Variants in USP34 observed in about 807,000 individuals in gnomAD.
USP34 encodes ubiquitin carboxyl-terminal hydrolase 34.
In USP34, 70 loss-of-function variants were observed where a neutral mutation model predicts 460.3. The ratio of observed to expected loss-of-function variants is 0.15; its 90% CI spans 0.13 to 0.19. USP34 has a LOEUF of 0.19. USP34 is among the 10% of genes least tolerant of loss of function. USP34 has a pLI of 1.00. For synonymous variants in USP34, 1,647 were observed against 1,405.3 expected, an observed-to-expected ratio of 1.17 and a Z score of -3.85; for missense variants, 3,985 against 4,236.2, an observed-to-expected ratio of 0.94 and a Z score of 1.65.
At chr2:61,247,440 G>A (rs1688447662) in intron 49 of USP34, among the ~76,000 whole-genome samples, 1 of 152,134 alleles carries the variant, frequency 6.6e-6, no homozygotes, top group African/African-American at 2.4e-5. Context: ...CTTTATCCTG[G>A]CATAAATTCT....
Position 61,470,839 on chromosome 2 carries a change from C to A in USP34, c.-147G>T. 1 of 144,062 alleles carries A rather than the reference C, an allele frequency of 6.9e-6. No homozygotes were observed. The highest frequency in any genetic ancestry group is 1.5e-5 in the Non-Finnish European group (1 of 68,928). The allele number at this position is 144,062 out of a possible 1,614,324, so 8.9% of individuals were successfully genotyped here. ...AGGGCGGGCGGCGGCGGGGACGGGG[C>A]GGGGAGCAAGAGAATGGGGGAGGGG... On this transcript the variant is annotated 5_prime_UTR_variant, in exon 1 of 80. Coordinates refer to ENST00000398571, the MANE Select transcript of USP34 (RefSeq NM_014709.4).
At chr2:61,320,405 T>C (rs1386057281) in intron 21 of USP34, among the ~76,000 whole-genome samples, 1 of 152,144 alleles carries the variant, frequency 6.6e-6, no homozygotes, top group Admixed American at 6.5e-5. Flanking sequence ...GTCTTTGGGA[T>C]GTGGGAGGAA....
In USP34 at chr2:61,333,947, A is replaced by C. The variant is rs1389291371; in HGVS notation, c.2769T>G (p.Leu923=). ...GAAAAGTACCAAATAGTTTTGGAAGAAGACGAAGTGAAATTACTACTGATC... is the reference window on the plus strand; with the variant it reads ...GAAAAGTACCAAATAGTTTTGGAAGCAGACGAAGTGAAATTACTACTGATC... ...NNRSVVISLR[L]LPKLFGTFQQ... is the part of the protein sequence containing the mutation. Residue 923 remains leucine (L), a synonymous_variant, in exon 19 of 80, where the codon CTT becomes CTG. Coordinates refer to ENST00000398571, the MANE Select transcript of USP34 (RefSeq NM_014709.4). 1.9e-5 allele frequency: 30 copies of C among 1,597,754 alleles called. No homozygotes were observed. Among genetic ancestry groups the C allele is most frequent in the Non-Finnish European group, 2.6e-5 (30 of 1,171,922 alleles).
chr2:61,333,867 C>A lies in USP34; in HGVS notation c.2834+15G>T, dbSNP rs757114318. ...AAATCTTTAAAATAAATACTTTTTTCTTTTATTTACTTACATTGTTATCCA... is the reference window on the plus strand; with the variant it reads ...AAATCTTTAAAATAAATACTTTTTTATTTTATTTACTTACATTGTTATCCA... On this transcript the variant is annotated intron_variant, in intron 19 of 79. Transcript: ENST00000398571. The A allele has an allele frequency of 3.3e-5, 48 of 1,461,952 alleles. No homozygotes were observed. Among genetic ancestry groups the A allele is most frequent in the Non-Finnish European group, 4.3e-5 (47 of 1,094,076 alleles). 90.6% of individuals were successfully genotyped at this position (1,461,952 alleles called of 1,614,324 possible). A position where few individuals can be genotyped will look rare whatever the true frequency, so the allele number is the denominator to read the frequency against.
At chr2:61,439,362 A>T (rs1243638727) in intron 1 of USP34, among the ~76,000 whole-genome samples, 1 of 151,996 alleles carries the variant, frequency 6.6e-6, no homozygotes, top group Non-Finnish European at 1.5e-5. Context: ...CACAGCTCTG[A>T]TGTCACCCCT....
At chr2:61,289,611 G>A (rs935550377) in intron 33 of USP34, among the ~76,000 whole-genome samples, 4 of 151,900 alleles carry the variant, frequency 2.6e-5, no homozygotes, top group African/African-American at 9.7e-5. Context: ...AAACATACCA[G>A]AAAGAAATGG....
chr2:61,339,613 T>C lies in USP34; in HGVS notation c.2569A>G (p.Lys857Glu). 6.3e-7 allele frequency: 1 copy of C among 1,584,748 alleles called. No homozygotes were observed. ...VTDINLDNVC[K>E]KGNTLLWDIV... ...TCCCACAACAAAGTATTTCCTTTCT[T>C]GCAAACATTATCCAAATTAATGTCT... Residue 857 changes from lysine to glutamate, a missense_variant, in exon 17 of 80, where the codon AAG (lysine) becomes GAG (glutamate). Around this residue, in one of 14 missense-constraint regions of USP34, gnomAD observed 46 missense variants for 83.1 expected, o/e 0.55. Transcript: ENST00000398571.
chr2:61,413,138 G>A (rs187576054), intron 2 of USP34, among the ~76,000 whole-genome samples: 2 of 152,280 alleles, frequency 1.3e-5, no homozygotes, highest in Admixed American at 1.3e-4. Flanking sequence ...GCTCATGCCT[G>A]TAATCCCAGC....
chr2:61,356,017 G>T (rs1288872507), intron 10 of USP34, among the ~76,000 whole-genome samples: 1 of 151,972 alleles, frequency 6.6e-6, no homozygotes, highest in African/African-American at 2.4e-5. Context: ...AAAACAAATG[G>T]AATTACCATT....
At chr2:61,228,297 A>C (rs1687790029) in intron 61 of USP34, among the ~76,000 whole-genome samples, 1 of 152,202 alleles carries the variant, frequency 6.6e-6, no homozygotes, top group African/African-American at 2.4e-5. Context: ...AAATTTTGGA[A>C]AGACTCTCAT....
intron 5 of USP34, among the ~76,000 whole-genome samples, chr2:61,390,541 T>C (rs958529627): frequency 6.6e-6 from 1 of 152,240 alleles, no homozygotes; most frequent in Non-Finnish European, 1.5e-5. Flanking sequence ...AAAGAACGGA[T>C]CCATATAATA....
At chr2:61,280,831 C>T (rs1055699117) in intron 38 of USP34, among the ~76,000 whole-genome samples, 2 of 152,074 alleles carry the variant, frequency 1.3e-5, no homozygotes, top group East Asian at 1.9e-4. Context: ...GGCCCAGAAC[C>T]GAGTGAGAAT....
At chr2:61,253,917 T>A (rs1439591854) in intron 48 of USP34, among the ~76,000 whole-genome samples, 1 of 152,152 alleles carries the variant, frequency 6.6e-6, no homozygotes, top group African/African-American at 2.4e-5. Context: ...GTATTTTTAG[T>A]AGAGACAGGG....
chr2:61,194,326 T>A (rs552850175), intron 75 of USP34: 5 of 983,832 alleles, frequency 5.1e-6, no homozygotes, highest in South Asian at 9.4e-5. Flanking sequence ...ACCACACACA[T>A]AGGTAAACAA....
At chr2:61,350,863 T>C (rs988984838) in intron 10 of USP34, among the ~76,000 whole-genome samples, 170 bp from the exon 11 acceptor site, 2 of 152,150 alleles carry the variant, frequency 1.3e-5, no homozygotes, top group African/African-American at 4.8e-5. Flanking sequence ...CATAAAACAG[T>C]AAAAACAAAT....
At chr2:61,227,838 T>C (rs973327059) in intron 61 of USP34, among the ~76,000 whole-genome samples, 6 of 152,134 alleles carry the variant, frequency 3.9e-5, no homozygotes, top group African/African-American at 1.4e-4. Flanking sequence ...CAAGTCACGA[T>C]AAAAATTGCA....
intron 10 of USP34, among the ~76,000 whole-genome samples, chr2:61,358,193 A>G (rs1054988423): frequency 2.7e-5 from 4 of 148,556 alleles, no homozygotes; most frequent in Non-Finnish European, 4.5e-5. Context: ...GATTCCATCT[A>G]AAATAAATAA....
intron 59 of USP34, 87 bp downstream of exon 59, chr2:61,229,457 TAAAA>T (rs57231258): frequency 5.3e-5 from 20 of 380,842 alleles, no homozygotes; most frequent in South Asian, 1.6e-4. Flanking sequence ...CCCTATCTCT[TAAAA>T]AAAAAAAAAA....
intron 41 of USP34, among the ~76,000 whole-genome samples, chr2:61,267,633 A>C (rs1263820061): frequency 2.0e-5 from 3 of 151,552 alleles, no homozygotes; most frequent in African/African-American, 7.3e-5. Context: ...TGTTTGTTTG[A>C]GACAGAGTCT....
Sources: allele counts gnomAD v4.1 joint callset (sites outside exome capture counted in the v4.1 genomes callset), GRCh38; gene constraint gnomAD v4.1.1; regional missense constraint gnomAD v4.1.1; transcripts MANE v1.5; gene names NCBI Gene and HGNC (gene_info 2026-07-23, HGNC 2026-07-21).